The following DCST1 variants were observed in gnomAD, a reference collection of about 807,000 sequenced individuals.
The protein encoded by DCST1 is E3 ubiquitin-protein ligase DCST1.
DCST1 carries 78 observed loss-of-function variants against 89.1 expected under a neutral mutation model. The ratio of observed to expected loss-of-function variants is 0.88; its 90% CI spans 0.73 to 1.06. The LOEUF (loss-of-function observed/expected upper bound fraction) is 1.06. DCST1 is among the 50% of genes least tolerant of loss of function. DCST1 has a pLI of 0.00. For missense variants in DCST1, 900 were observed against 928.6 expected, an observed-to-expected ratio of 0.97 and a Z score of 0.40; for synonymous variants, 364 against 371.9, an observed-to-expected ratio of 0.98 and a Z score of 0.24.
intron 4 of DCST1, among the ~76,000 whole-genome samples, chr1:155,037,083 T>C (rs1660300290): frequency 6.6e-6 from 1 of 152,228 alleles, no homozygotes; most frequent in Non-Finnish European, 1.5e-5. Context: ...CACCTTATGG[T>C]TGCCTCTCTC....
rs1660446233 is a variant in DCST1 at position 155,041,713 on chromosome 1, G to A, written c.749-1G>A. 6.2e-7 allele frequency: 1 copy of A among 1,614,236 alleles called. No individual in the cohort carries two copies. Among genetic ancestry groups the A allele is most frequent in the Non-Finnish European group, 8.5e-7 (1 of 1,180,032 alleles). On this transcript the variant is annotated splice_acceptor_variant, in intron 7 of 16. Coordinates refer to ENST00000295542, the MANE Select transcript of DCST1 (RefSeq NM_152494.4). LOFTEE classifies it high-confidence loss of function. ...TCAGACACCCTTGCTCCTTCCTACA[G>A]ATGTGGTGAACCAGGCCATACTCAG...
intron 5 of DCST1, among the ~76,000 whole-genome samples, chr1:155,039,845 G>T (rs1660381284): frequency 6.6e-6 from 1 of 151,844 alleles, no homozygotes; most frequent in South Asian, 2.1e-4. Context: ...GCAAAAATTA[G>T]CCAGGCATGG....
At position 155,041,585 on chromosome 1, in the gene DCST1, T is replaced by C. The variant is rs774473840; in HGVS notation, c.720T>C (p.Tyr240=). Residue 240 remains tyrosine (Y), a synonymous_variant, in exon 7 of 17, where the codon TAT becomes TAC. Transcript: ENST00000295542. ...SRLHLSTQKM[Y]ELKTKLRCSY... The stretch of plus-strand genomic sequence containing the variant: ...TCCACCTGTCGACACAGAAGATGTA[T>C]GAGCTGAAGACCAAGCTGCGTTGCT... 2 of 1,614,078 alleles carry C rather than the reference T, an allele frequency of 1.2e-6. No individual in the cohort carries two copies. The highest frequency in any genetic ancestry group is 1.7e-6 in the Non-Finnish European group (2 of 1,180,018).
In DCST1 at chr1:155,050,629, G is replaced by A; in HGVS notation, c.1882G>A (p.Ala628Thr). The A allele has an allele frequency of 6.3e-7, 1 of 1,584,034 alleles. No homozygotes were observed. The highest frequency in any genetic ancestry group is 8.6e-7 in the Non-Finnish European group (1 of 1,167,952). ...RQQKAPRHPLADILHRGCPLL... is the reference protein window; with the variant it reads ...RQQKAPRHPLTDILHRGCPLL... Reference sequence around the variant, plus strand: ...CACCTCCCAACAGCGCCACCCGCTGGCGGATATCCTGCACCGCGGCTGCCC... The same window carrying A: ...CACCTCCCAACAGCGCCACCCGCTGACGGATATCCTGCACCGCGGCTGCCC... Residue 628 changes from alanine (A) to threonine (T), a missense_variant, in exon 17 of 17, where the codon GCG (alanine) becomes ACG (threonine). Coordinates refer to ENST00000295542, the MANE Select transcript of DCST1 (RefSeq NM_152494.4).
At chr1:155,038,308 T>C (rs1023233707) in intron 4 of DCST1, among the ~76,000 whole-genome samples, 2 of 152,208 alleles carry the variant, frequency 1.3e-5, no homozygotes, top group African/African-American at 2.4e-5. Context: ...AGGTAGACCA[T>C]GTTAGGGAGT....
rs563114037 is a variant in DCST1, at chr1:155,047,856, T to G, written c.1682T>G (p.Leu561Ter). 3.7e-6 allele frequency: 6 copies of G among 1,614,198 alleles called. No individual in the cohort carries two copies. The South Asian group carries it at 6.6e-5, about 18-fold the overall frequency. The change falls in exon 15 of 17, where the codon TTA (leucine) becomes TGA (stop). Residue 561 changes from leucine to a stop codon, truncating the protein, a stop_gained. Transcript: ENST00000295542. LOFTEE classifies it high-confidence loss of function. ...AGAGCTGCAGTACCGATTGGCCTGTTAGTGTGTCTCTGCCTGTTACAGGCT... is the reference window on the plus strand; with the variant it reads ...AGAGCTGCAGTACCGATTGGCCTGTGAGTGTGTCTCTGCCTGTTACAGGCT... ...YWRAAVPIGLLVCLCLLQAFG... is the reference protein window; with the variant it reads ...YWRAAVPIGL
In DCST1 at chr1:155,046,158, G is replaced by A. The variant is rs1338724186; in HGVS notation, c.1306G>A (p.Glu436Lys). ...GACTCTGCTGCCACTCCGCAAAGCT[G>A]AGGAGAAAACCGTCATCTTCCCTTG... ...KRTLLPLRKA[E>K]EKTVIFPCKP... is the part of the protein sequence containing the mutation. The change falls in exon 12 of 17, where the codon GAG becomes AAG. Residue 436 changes from glutamate to lysine, a missense_variant. By Grantham distance (56) the Glu-to-Lys change is moderately conservative. Coordinates refer to ENST00000295542, the MANE Select transcript of DCST1 (RefSeq NM_152494.4). The A allele has an allele frequency of 6.2e-7, 1 of 1,614,100 alleles. No homozygotes were observed. Among genetic ancestry groups the A allele is most frequent in the Non-Finnish European group, 8.5e-7 (1 of 1,180,060 alleles).
intron 13 of DCST1, among the ~76,000 whole-genome samples, chr1:155,046,826 G>A (rs1052387025): frequency 6.6e-6 from 1 of 151,890 alleles, no homozygotes; most frequent in South Asian, 2.1e-4. Context: ...GGCTGGTCTC[G>A]AACTCCTGAC....
chr1:155,042,118 C>T (rs935750504), intron 8 of DCST1, among the ~76,000 whole-genome samples: 26 of 151,640 alleles, frequency 1.7e-4, no homozygotes, highest in Non-Finnish European at 3.4e-4. Flanking sequence ...TTTTTTGAGA[C>T]GGGGTGCTTC....
Position 155,043,001 on chromosome 1 carries a change from C to T in DCST1, c.1014+145C>T, listed in dbSNP as rs1306813752. On this transcript the variant is annotated intron_variant, in intron 9 of 16. Coordinates refer to ENST00000295542, the MANE Select transcript of DCST1 (RefSeq NM_152494.4). ...GGAGGGGGACAAGGAGGGGGAATGT[C>T]GCTGGTGTTGAGGGGGCCCTCTGTT... 1.5e-5 allele frequency: 20 copies of T among 1,311,370 alleles called. No homozygotes were observed. The East Asian group carries it at 4.1e-4, about 27-fold the overall frequency. The allele number at this position is 1,311,370 out of a possible 1,614,324, so 81.2% of individuals were successfully genotyped here. A position where few individuals can be genotyped will look rare whatever the true frequency, so the allele number is the denominator to read the frequency against.
rs1410062232 is a variant in DCST1 at position 155,050,701 on chromosome 1, C to T, written c.1954C>T (p.Pro652Ser). Reference protein sequence around the residue: ...LCRRCVVCQAPETPESYVCRT... With the variant: ...LCRRCVVCQASETPESYVCRT... ...CCGGCGCTGCGTGGTGTGCCAGGCA[C>T]CCGAGACGCCCGAGTCCTACGTGTG... The change falls in exon 17 of 17, where the codon CCC becomes TCC. Residue 652 changes from proline (P) to serine (S), a missense_variant. Physicochemically the swap from Pro to Ser is moderately conservative, Grantham distance 74. Coordinates refer to ENST00000295542, the MANE Select transcript of DCST1 (RefSeq NM_152494.4). 6.2e-7 allele frequency: 1 copy of T among 1,606,254 alleles called. No individual in the cohort carries two copies. Among genetic ancestry groups the T allele is most frequent in the African/African-American group, 1.3e-5 (1 of 74,756 alleles).
rs202181498 is a variant in DCST1, at chr1:155,041,747, G to A, written c.782G>A (p.Arg261His). Residue 261 changes from arginine to histidine, a missense_variant, in exon 8 of 17, where the codon CGT becomes CAT. Coordinates refer to ENST00000295542, the MANE Select transcript of DCST1 (RefSeq NM_152494.4). ...VVNQAILSCRRWFDRKHEQCM... is the reference protein window; with the variant it reads ...VVNQAILSCRHWFDRKHEQCM... ...AACCAGGCCATACTCAGCTGCCGTC[G>A]TTGGTTTGACCGCAAGCATGAACAG... 13 of 1,614,228 alleles carry A rather than the reference G, an allele frequency of 8.1e-6. No individual in the cohort carries two copies. The highest frequency in any genetic ancestry group is 6.7e-5 in the East Asian group (3 of 44,880).
rs565338054 is a variant in DCST1, at chr1:155,034,411, T to A, written c.62-24T>A. ...CATCCCAGGCAGAAGAGTGGGCTGT[T>A]GAGCTACCCTGTCCCCCTCTTAGCG... On this transcript the variant is annotated intron_variant, in intron 2 of 16. Coordinates refer to ENST00000295542, the MANE Select transcript of DCST1 (RefSeq NM_152494.4). 45 of 1,613,872 alleles carry A rather than the reference T, an allele frequency of 2.8e-5. No homozygotes were observed. In the South Asian group the frequency reaches 4.2e-4, roughly 15 times the overall value.
chr1:155,034,923 C>T (rs780216706), intron 4 of DCST1, 196 bp downstream of exon 4: 16 of 613,544 alleles, frequency 2.6e-5, no homozygotes, highest in Non-Finnish European at 4.3e-5. Context: ...CGTCCTTGCC[C>T]TGAGGGAGTC....
chr1:155,042,832 A>G lies in DCST1; in HGVS notation c.990A>G (p.Glu330=). The stretch of plus-strand genomic sequence containing the variant: ...AGTCTATTCGTGGCCTGGATGGGGA[A>G]TTTTCAGCCAATATTGACTTCAAGG... ...LNQSIRGLDG[E]FSANIDFKEE... The change falls in exon 9 of 17, where the codon GAA becomes GAG. Residue 330 remains glutamate, a synonymous_variant. Coordinates refer to ENST00000295542, the MANE Select transcript of DCST1 (RefSeq NM_152494.4). 1 of 1,614,130 alleles carries G rather than the reference A, an allele frequency of 6.2e-7. No homozygotes were observed. Among genetic ancestry groups the G allele is most frequent in the East Asian group, 2.2e-5 (1 of 44,868 alleles).
At chr1:155,045,403 T>C in intron 10 of DCST1, 1 of 194,916 alleles carries the variant, frequency 5.1e-6, no homozygotes, top group South Asian at 9.3e-5. Flanking sequence ...AGGATGGAGA[T>C]GGTGGTCTGG....
intron 16 of DCST1, among the ~76,000 whole-genome samples, chr1:155,048,441 G>T (rs1321407648): frequency 6.6e-6 from 1 of 152,198 alleles, no homozygotes; most frequent in Non-Finnish European, 1.5e-5. Context: ...CAGGATTACA[G>T]GCACACGCCA....
chr1:155,048,354 C>A (rs149442368), intron 16 of DCST1, among the ~76,000 whole-genome samples, 184 bp downstream of exon 16: 1 of 152,168 alleles, frequency 6.6e-6, no homozygotes, highest in East Asian at 1.9e-4. Context: ...TGCAGTGGCA[C>A]GATCTCGGCT....
At chr1:155,042,486 T>G (rs936370869) in intron 8 of DCST1, among the ~76,000 whole-genome samples, 4 of 152,202 alleles carry the variant, frequency 2.6e-5, no homozygotes, top group Non-Finnish European at 2.9e-5. Flanking sequence ...CTGTAAACGC[T>G]GGCTCTCCTT....
Sources: allele counts gnomAD v4.1 joint callset (sites outside exome capture counted in the v4.1 genomes callset), GRCh38; gene constraint gnomAD v4.1.1; transcripts MANE v1.5; gene names NCBI Gene and HGNC (gene_info 2026-07-23, HGNC 2026-07-21).